Variants in CHN1 observed in about 807,000 individuals in gnomAD.
CHN1 encodes N-chimaerin.
CHN1 carries 37 observed loss-of-function variants against 59.5 expected under a neutral mutation model. The ratio of observed to expected loss-of-function variants is 0.62; its 90% CI spans 0.48 to 0.82. The LOEUF is 0.82. Ranked by LOEUF, CHN1 falls within the 40% of genes least tolerant of loss-of-function variation. The pLI, the probability that CHN1 is intolerant of heterozygous loss-of-function variation, is 0.00. For missense variants in CHN1, 469 were observed against 571.0 expected (o/e 0.82, Z 1.82); for synonymous variants, 206 against 200.4 (o/e 1.03, Z -0.24).
intron 1 of CHN1, among the ~76,000 whole-genome samples, chr2:174,963,090 C>A (rs1346907821): frequency 6.6e-6 from 1 of 151,948 alleles, no homozygotes; most frequent in South Asian, 2.1e-4. Context: ...TGCTGGCACA[C>A]AGAAATGTTA....
intron 7 of CHN1, among the ~76,000 whole-genome samples, chr2:174,843,926 C>G (rs1205103771): frequency 7.3e-5 from 11 of 151,712 alleles, no homozygotes; most frequent in South Asian, 2.1e-4. Flanking sequence ...GGAAGGGTGC[C>G]TGAGTTTTAT....
intron 5 of CHN1, among the ~76,000 whole-genome samples, chr2:174,891,060 G>A (rs1688028035): frequency 1.5e-5 from 2 of 137,650 alleles, no homozygotes; most frequent in South Asian, 2.3e-4. Flanking sequence ...AGAATGGTGC[G>A]AACCTGGGAG....
intron 5 of CHN1, among the ~76,000 whole-genome samples, chr2:174,895,410 G>A (rs1473933776): frequency 6.6e-6 from 1 of 152,034 alleles, no homozygotes; most frequent in Non-Finnish European, 1.5e-5. Context: ...AATGGTGGCT[G>A]CTATGGGGTA....
At chr2:174,878,207 A>C in intron 5 of CHN1, 79 bp from the exon 6 acceptor site, 1 of 1,308,266 alleles carries the variant, frequency 7.6e-7, no homozygotes, top group Non-Finnish European at 1.0e-6. Context: ...CAAAAACAAA[A>C]AAAAACTATC....
At chr2:174,920,916 T>TG (rs1558982336) in intron 3 of CHN1, 1 of 424,224 alleles carries the variant, frequency 2.4e-6, no homozygotes, top group Non-Finnish European at 4.8e-6. Context: ...CGGCCCCATC[T>TG]GGGGGTGATG....
At chr2:174,858,920 A>G (rs919180640) in intron 6 of CHN1, among the ~76,000 whole-genome samples, 13 of 150,798 alleles carry the variant, frequency 8.6e-5, no homozygotes, top group African/African-American at 3.2e-4. Context: ...AGGATGATTA[A>G]TATCTTTCAG....
At chr2:174,840,969 C>T (rs1686280316) in intron 7 of CHN1, among the ~76,000 whole-genome samples, 1 of 152,046 alleles carries the variant, frequency 6.6e-6, no homozygotes, top group African/African-American at 2.4e-5. Context: ...CAGTATAATA[C>T]AGAGATGCCA....
chr2:174,938,411 C>T (rs1346228587), intron 3 of CHN1, among the ~76,000 whole-genome samples: 1 of 152,116 alleles, frequency 6.6e-6, no homozygotes, highest in Non-Finnish European at 1.5e-5. Context: ...AATAAGCAAA[C>T]CATTAGCATT....
chr2:174,940,982 C>A (rs1294473503), intron 3 of CHN1, among the ~76,000 whole-genome samples: 1 of 152,218 alleles, frequency 6.6e-6, no homozygotes, highest in South Asian at 2.1e-4. Flanking sequence ...TAAAGAACAA[C>A]TGTATATTTC....
chr2:174,848,973 C>T (rs1574086314), intron 6 of CHN1, among the ~76,000 whole-genome samples: 2 of 152,022 alleles, frequency 1.3e-5, no homozygotes, highest in East Asian at 1.9e-4. Context: ...AACGGCCAAC[C>T]GACTCTTTAG....
Position 174,799,672 on chromosome 2 carries a change from T to A in CHN1, c.*444A>T. On this transcript the variant is annotated 3_prime_UTR_variant, in exon 13 of 13. Transcript: ENST00000409900. ...ATGGTAATGTAACAGCCAGAGGTGC[T>A]GTTTTATCCATTTGTGTGTGCGTGT... is the stretch of plus-strand genomic sequence containing the variant. 1.9e-6 allele frequency: 1 copy of A among 533,562 alleles called. No homozygotes were observed. The highest frequency in any genetic ancestry group is 3.6e-6 in the Non-Finnish European group (1 of 275,910). 33.1% of individuals were successfully genotyped at this position (533,562 alleles called of 1,614,324 possible). A position where few individuals can be genotyped will look rare whatever the true frequency, so the allele number is the denominator to read the frequency against.
In CHN1 at chr2:174,827,127, G is replaced by A. The variant is rs114635111; in HGVS notation, c.628-2609C>T. Among the ~76,000 whole-genome samples the A allele has an allele frequency of 8.1e-3, 1,228 of 152,016 alleles. 19 individuals are homozygous for A. Among genetic ancestry groups the A allele is most frequent in the African/African-American group, 0.028 (1,166 of 41,460 alleles). ...TATATCTAAAATCCATATATCTCAA[G>A]TTTCCTTTGTTCTGTAACCTCTATG... On this transcript the variant is annotated intron_variant, in intron 7 of 12. Transcript: ENST00000409900.
intron 1 of CHN1, among the ~76,000 whole-genome samples, chr2:174,982,794 AAC>A (rs1406739938): frequency 6.6e-5 from 10 of 152,312 alleles, no homozygotes; most frequent in East Asian, 3.9e-4. Context: ...GTTTAAAATA[AAC>A]AGTTATATAT....
chr2:174,958,698 A>T (rs970610319), intron 1 of CHN1, among the ~76,000 whole-genome samples: 6 of 152,244 alleles, frequency 3.9e-5, no homozygotes, highest in African/African-American at 1.4e-4. Flanking sequence ...ATAAAATGGA[A>T]TAACAATATC....
At chr2:174,937,354 A>G (rs1689528390) in intron 3 of CHN1, among the ~76,000 whole-genome samples, 1 of 152,242 alleles carries the variant, frequency 6.6e-6, no homozygotes, top group Admixed American at 6.5e-5. Flanking sequence ...TCATTAGAAG[A>G]AAATGGAATG....
intron 1 of CHN1, among the ~76,000 whole-genome samples, chr2:174,984,135 C>T: frequency 6.6e-6 from 1 of 151,506 alleles, no homozygotes; most frequent in East Asian, 1.9e-4. Flanking sequence ...CGTTTGAAAG[C>T]TCAATCTTCA....
chr2:174,926,862 A>T (rs1689178655), intron 3 of CHN1, among the ~76,000 whole-genome samples: 1 of 151,386 alleles, frequency 6.6e-6, no homozygotes, highest in Admixed American at 6.6e-5. Flanking sequence ...GGTTCACGCC[A>T]TTCTCCTGCC....
chr2:174,847,375 C>T (rs1238175645), intron 6 of CHN1: 1 of 1,247,936 alleles, frequency 8.0e-7, no homozygotes, highest in Non-Finnish European at 1.0e-6. Context: ...CTTCTAAAAA[C>T]TTGAGTCTGA....
chr2:174,843,970 T>TTC (rs769634310), intron 7 of CHN1, among the ~76,000 whole-genome samples: 385 of 127,158 alleles, frequency 3.0e-3, no homozygotes, highest in Non-Finnish European at 5.3e-3. Flanking sequence ...TTCTCTCTCT[T>TTC]TCTCTGTGTG....
Sources: gnomAD v4.1 joint callset for allele counts (sites outside exome capture counted in the v4.1 genomes callset) on GRCh38, gnomAD v4.1.1 for gene constraint, MANE v1.5 for transcripts, NCBI Gene and HGNC (gene_info 2026-07-23, HGNC 2026-07-21) for gene names.